CACNA2D4: variants seen among roughly 807,000 people sequenced by gnomAD.
CACNA2D4 encodes voltage-dependent calcium channel subunit alpha-2/delta-4.
CACNA2D4 carries 157 observed loss-of-function variants against 163.8 expected under a neutral mutation model. That is an observed-to-expected ratio of 0.96 (90% CI 0.84 to 1.09). CACNA2D4 has a LOEUF of 1.09. CACNA2D4 is among the 50% of genes least tolerant of loss of function. The probability of loss-of-function intolerance (pLI) is 0.00; values close to 1 mark genes in which losing one functional copy is unlikely to be tolerated. For synonymous variants in CACNA2D4, 598 were observed against 586.9 expected (o/e 1.02, Z -0.27); for missense variants, 1,410 against 1,479.9 (o/e 0.95, Z 0.78).
chr12:1,878,846 C>A lies in CACNA2D4; in HGVS notation c.1644+110G>T. On this transcript the variant is annotated intron_variant, in intron 15 of 37. Transcript: ENST00000382722. This position sits in a 1 kb window ranked among gnomAD's most constrained non-coding sequence, Gnocchi z 4.6. Reference sequence around the variant, plus strand: ...CACTTCTTGGGCAGTGATGGAGGGGCCCCACCCCAGCTCTGGGCTTGGCTT... The same window carrying A: ...CACTTCTTGGGCAGTGATGGAGGGGACCCACCCCAGCTCTGGGCTTGGCTT... The A allele has an allele frequency of 9.6e-7, 1 of 1,039,152 alleles. No individual in the cohort carries two copies. Among genetic ancestry groups the A allele is most frequent in the Non-Finnish European group, 1.4e-6 (1 of 710,428 alleles). The allele number at this position is 1,039,152 out of a possible 1,614,324, so 64.4% of individuals were successfully genotyped here.
rs554212199 is a variant in CACNA2D4 at position 1,859,339 on chromosome 12, G to A, written c.1941-695C>T. Among the ~76,000 whole-genome samples, 73 of 152,118 alleles carry A rather than the reference G, an allele frequency of 4.8e-4. 2 individuals carry two copies. Among genetic ancestry groups the A allele is most frequent in the Non-Finnish European group, 2.2e-4 (15 of 68,028 alleles). On this transcript the variant is annotated intron_variant, in intron 19 of 37. Coordinates refer to ENST00000382722, the MANE Select transcript of CACNA2D4 (RefSeq NM_172364.5). Reference sequence around the variant, plus strand: ...GCCACGGCACTTCAGCCTAGGAGACGGGGTGAGATCCTGTCTCAAAAAAAA... The same window carrying A: ...GCCACGGCACTTCAGCCTAGGAGACAGGGTGAGATCCTGTCTCAAAAAAAA...
At chr12:1,868,869 A>G (rs1401503170) in intron 18 of CACNA2D4, among the ~76,000 whole-genome samples, 1 of 152,112 alleles carries the variant, frequency 6.6e-6, no homozygotes, top group Non-Finnish European at 1.5e-5. Flanking sequence ...CCCTTAAACA[A>G]TACAGTGTAG....
chr12:1,908,104 G>A, intron 4 of CACNA2D4, 67 bp from the exon 5 acceptor site: 1 of 1,513,142 alleles, frequency 6.6e-7, no homozygotes, highest in Non-Finnish European at 9.0e-7. Context: ...GAGAGGAAGA[G>A]AAACGGCGCA....
intron 23 of CACNA2D4, among the ~76,000 whole-genome samples, chr12:1,846,895 G>A (rs1474995333): frequency 2.0e-5 from 3 of 152,312 alleles, no homozygotes; most frequent in African/African-American, 2.4e-5. Context: ...CCCGGCTTCC[G>A]GGCAGCACCC....
Position 1,878,580 on chromosome 12 carries a change from GT to G in CACNA2D4, c.1645-192del. ...TGAGGAGTCCTTTCCAAACCGGACTGTTTATAGCAACCGTCATCATACATAT... is the reference window on the plus strand; with the variant it reads ...TGAGGAGTCCTTTCCAAACCGGACTGTTATAGCAACCGTCATCATACATAT... On this transcript the variant is annotated intron_variant, in intron 15 of 37. Transcript: ENST00000382722. This position sits in a 1 kb window ranked among gnomAD's most constrained non-coding sequence, Gnocchi z 4.6. 1 of 1,041,206 alleles carries G rather than the reference GT, an allele frequency of 9.6e-7. No homozygotes were observed. The highest frequency in any genetic ancestry group is 1.4e-6 in the Non-Finnish European group (1 of 701,952). 64.5% of individuals were successfully genotyped at this position (1,041,206 alleles called of 1,614,324 possible). A position where few individuals can be genotyped will look rare whatever the true frequency, so the allele number is the denominator to read the frequency against.
At chr12:1,870,808 G>C (rs1156651403) in intron 18 of CACNA2D4, among the ~76,000 whole-genome samples, 3 of 152,056 alleles carry the variant, frequency 2.0e-5, no homozygotes, top group African/African-American at 7.2e-5. Flanking sequence ...GAGCGCGAGA[G>C]GTCTGGAAGA....
chr12:1,810,278 C>T lies in CACNA2D4; in HGVS notation c.2721G>A (p.Glu907=). ...GFILISKRSR[E]TGRFLGEVDG... Reference sequence around the variant, plus strand: ...TCATTCTATATCCCCAGTGACTCACCTCTCGGGACCTCTTGGAGATCAGAA... The same window carrying T: ...TCATTCTATATCCCCAGTGACTCACTTCTCGGGACCTCTTGGAGATCAGAA... Residue 907 remains glutamate (E), a splice_region_variant and synonymous_variant, in exon 29 of 38, where the codon GAG becomes GAA. Coordinates refer to ENST00000382722, the MANE Select transcript of CACNA2D4 (RefSeq NM_172364.5). The T allele has an allele frequency of 1.2e-6, 2 of 1,612,874 alleles. No homozygotes were observed. Among genetic ancestry groups the T allele is most frequent in the Non-Finnish European group, 1.7e-6 (2 of 1,178,906 alleles).
intron 6 of CACNA2D4, among the ~76,000 whole-genome samples, chr12:1,894,406 A>G (rs146965475): frequency 2.6e-5 from 4 of 152,336 alleles, no homozygotes; most frequent in Non-Finnish European, 5.9e-5. Flanking sequence ...TTACTCTAAT[A>G]TCAAAACCAG....
chr12:1,904,305 A>G (rs938472686), intron 6 of CACNA2D4, among the ~76,000 whole-genome samples: 9 of 152,064 alleles, frequency 5.9e-5, no homozygotes, highest in African/African-American at 2.2e-4. Context: ...AGTATTTGAT[A>G]GCACAACAGG....
At chr12:1,912,486 G>T (rs1420938795) in intron 3 of CACNA2D4, among the ~76,000 whole-genome samples, 1 of 152,216 alleles carries the variant, frequency 6.6e-6, no homozygotes, top group Non-Finnish European at 1.5e-5. Context: ...CACCTCTGCT[G>T]CCCGGGTGGC....
intron 14 of CACNA2D4, 57 bp from the exon 15 acceptor site, chr12:1,879,093 G>C: frequency 2.1e-6 from 3 of 1,425,830 alleles, no homozygotes; most frequent in Non-Finnish European, 3.0e-6. Flanking sequence ...TACAAGGTTA[G>C]ACTGGACCCT....
At chr12:1,856,311 G>A in intron 20 of CACNA2D4, 82 bp from the exon 21 acceptor site, 1 of 1,472,278 alleles carries the variant, frequency 6.8e-7, no homozygotes, top group Non-Finnish European at 9.5e-7. Flanking sequence ...CAGCCACCCA[G>A]TGAGTTTCTA....
rs574018917 is a variant in CACNA2D4 at position 1,823,227 on chromosome 12, G to A, written c.2552-11504C>T. 2.0e-5 allele frequency: 3 copies of A among 152,660 alleles called. No homozygotes were observed. The East Asian group carries it at 5.8e-4, about 29-fold the overall frequency. 9.5% of individuals were successfully genotyped at this position (152,660 alleles called of 1,614,324 possible). A position where few individuals can be genotyped will look rare whatever the true frequency, so the allele number is the denominator to read the frequency against. On this transcript the variant is annotated intron_variant, in intron 26 of 37. Transcript: ENST00000382722. ...GTGTCTTGGATGCTTGATGTGGAGG[G>A]ATAGACATGCGCAGAAGCCTGAGAG...
rs1161670324 is a variant in CACNA2D4 at position 1,917,090 on chromosome 12, G to T, written c.227+1157C>A. Among the ~76,000 whole-genome samples the T allele has an allele frequency of 6.6e-6, 1 of 152,132 alleles. No individual in the cohort carries two copies. The highest frequency in any genetic ancestry group is 1.5e-5 in the Non-Finnish European group (1 of 68,030). On this transcript the variant is annotated intron_variant, in intron 1 of 37. Coordinates refer to ENST00000382722, the MANE Select transcript of CACNA2D4 (RefSeq NM_172364.5). The surrounding 1 kb of genome is among the most constrained non-coding windows in gnomAD (Gnocchi z 4.3). ...CAGATAGCGTTACGGGCTGGCGGCG[G>T]GTGTAATGGTGAAAGTGCAGTCCAG...
At chr12:1,876,571 C>T (rs999887730) in intron 16 of CACNA2D4, among the ~76,000 whole-genome samples, 3 of 152,216 alleles carry the variant, frequency 2.0e-5, no homozygotes, top group South Asian at 2.1e-4. Context: ...TGGACAGCTC[C>T]GGTCCCCTAT....
In CACNA2D4 at chr12:1,801,072, G is replaced by A; in HGVS notation, c.2839C>T (p.His947Tyr). ...ACCAGGGGCTGGGCTGCACTGTGGT[G>A]GTGACTCGAGGGTTTGCACATGGCC... ...YQAMCKPSSH[H>Y]HSAAQPLVSP... The change falls in exon 31 of 38, where the codon CAC becomes TAC. Residue 947 changes from histidine to tyrosine, a missense_variant. Transcript: ENST00000382722. 6.2e-7 allele frequency: 1 copy of A among 1,613,600 alleles called. No individual in the cohort carries two copies. Among genetic ancestry groups the A allele is most frequent in the Non-Finnish European group, 8.5e-7 (1 of 1,179,866 alleles).
At chr12:1,830,937 A>T (rs760042894) in intron 26 of CACNA2D4, 1 of 1,594,676 alleles carries the variant, frequency 6.3e-7, no homozygotes, top group South Asian at 1.1e-5. Flanking sequence ...CCACCAAGGG[A>T]TCACCTGCTG....
At chr12:1,847,193 GA>G (rs930703931) in intron 23 of CACNA2D4, among the ~76,000 whole-genome samples, 3 of 152,218 alleles carry the variant, frequency 2.0e-5, no homozygotes, top group African/African-American at 7.2e-5. Context: ...CCTTGCCGTT[GA>G]GACTTGAAAG....
chr12:1,802,879 C>T lies in CACNA2D4; in HGVS notation c.2722-1235G>A, dbSNP rs1050366233. ...CTGTGGAGTCCTAGTCTCACTCTGC[C>T]TGATAAGATATTTGGTTGAAAACTG... On this transcript the variant is annotated intron_variant, in intron 29 of 37. Coordinates refer to ENST00000382722, the MANE Select transcript of CACNA2D4 (RefSeq NM_172364.5). The surrounding 1 kb of genome is among the most constrained non-coding windows in gnomAD (Gnocchi z 4.7). Among the ~76,000 whole-genome samples, 14 of 152,198 alleles carry T rather than the reference C, an allele frequency of 9.2e-5. No individual in the cohort carries two copies. The highest frequency in any genetic ancestry group is 5.2e-4 in the Admixed American group (8 of 15,280).
Sources: allele counts gnomAD v4.1 joint callset (sites outside exome capture counted in the v4.1 genomes callset), GRCh38; gene constraint gnomAD v4.1.1; non-coding constraint Gnocchi (gnomAD v3.1); transcripts MANE v1.5; gene names NCBI Gene and HGNC (gene_info 2026-07-23, HGNC 2026-07-21).